PTPRT: variants seen among roughly 807,000 people sequenced by gnomAD.
PTPRT encodes receptor-type tyrosine-protein phosphatase T.
PTPRT carries 56 observed loss-of-function variants against 176.8 expected under a neutral mutation model. The observed-to-expected ratio is 0.32, with a 90% CI of 0.26 to 0.40. The LOEUF (loss-of-function observed/expected upper bound fraction) is 0.40, where lower values mean the gene tolerates loss of function less well. PTPRT is among the 10% of genes least tolerant of loss of function. PTPRT has a pLI of 1.00. For synonymous variants in PTPRT, 783 were observed against 739.0 expected, an observed-to-expected ratio of 1.06 and a Z score of -0.96; for missense variants, 1,540 against 1,908.2, an observed-to-expected ratio of 0.81 and a Z score of 3.60.
intron 7 of PTPRT, among the ~76,000 whole-genome samples, chr20:42,610,904 C>A (rs2073964553): frequency 6.7e-6 from 1 of 150,192 alleles, no homozygotes; most frequent in Non-Finnish European, 1.5e-5. Context: ...TATAGACTTA[C>A]CTATTCTGAA....
At position 42,503,572 on chromosome 20, in the gene PTPRT, C is replaced by T. The variant is rs187412867; in HGVS notation, c.1154-31010G>A. Among the ~76,000 whole-genome samples, 690 of 152,022 alleles carry T rather than the reference C, an allele frequency of 4.5e-3. 5 individuals carry two copies. The highest frequency in any genetic ancestry group is 0.016 in the African/African-American group (663 of 41,506). On this transcript the variant is annotated intron_variant, in intron 7 of 30. Coordinates refer to ENST00000373187, the MANE Select transcript of PTPRT (RefSeq NM_007050.6). ...TGATGCTGACTCAAAATTTTTGAGA[C>T]TTGCTTTATTGATTGATTTTTGATT...
intron 1 of PTPRT, among the ~76,000 whole-genome samples, chr20:42,952,373 G>A (rs2146019746): frequency 6.6e-6 from 1 of 152,284 alleles, no homozygotes; most frequent in Non-Finnish European, 1.5e-5. Context: ...TAGCTATGAA[G>A]GACAGTGAGA....
chr20:42,199,507 C>T, intron 15 of PTPRT, 119 bp from the exon 16 acceptor site: 2 of 1,188,730 alleles, frequency 1.7e-6, no homozygotes, highest in Non-Finnish European at 2.4e-6. Flanking sequence ...GTTCATTCTC[C>T]AGAAAAAGAA....
the PTPRT span, among the ~76,000 whole-genome samples, chr20:42,041,193 T>A: frequency 6.6e-6 from 1 of 152,190 alleles, no homozygotes; most frequent in African/African-American, 2.4e-5. Flanking sequence ...AATCCACTAC[T>A]GCCCTCGATG....
intron 7 of PTPRT, among the ~76,000 whole-genome samples, chr20:42,599,258 A>G (rs2073732515): frequency 6.6e-6 from 1 of 152,130 alleles, no homozygotes; most frequent in South Asian, 2.1e-4. Context: ...CTTTTGAGAG[A>G]GAAAACATGA....
rs1316464006 is a variant in PTPRT, at chr20:42,352,131, T to A, written c.1715A>T (p.Lys572Met). The A allele has an allele frequency of 1.1e-5, 18 of 1,614,070 alleles. No individual in the cohort carries two copies. The highest frequency in any genetic ancestry group is 1.5e-5 in the Non-Finnish European group (18 of 1,180,034). Residue 572 changes from lysine to methionine, a missense_variant, in exon 10 of 31, where the codon AAG (lysine) becomes ATG (methionine). Lys to Met is a moderately conservative substitution (Grantham distance 95). This residue lies in a region of PTPRT where 136 missense variants were observed against 135.0 expected (regional missense o/e 1.01). Transcript: ENST00000373187. ...YSFTIKASTA[K>M]GFGPPVTTRI... is the part of the protein sequence containing the mutation. ...AGTGGTGACAGGGGGCCCAAAGCCC[T>A]TTGCTGTGCTGGCCTTGATGGTGAA...
At chr20:42,575,543 C>T (rs1358742476) in intron 7 of PTPRT, among the ~76,000 whole-genome samples, 1 of 152,198 alleles carries the variant, frequency 6.6e-6, no homozygotes, top group Admixed American at 6.5e-5. Context: ...TCCCACAGTG[C>T]TTTGCACCTA....
intron 1 of PTPRT, among the ~76,000 whole-genome samples, chr20:42,894,554 C>G: frequency 6.6e-6 from 1 of 152,072 alleles, no homozygotes; most frequent in East Asian, 1.9e-4. Flanking sequence ...CAAGATCACA[C>G]AAATAACAGG....
At chr20:42,089,813 A>G (rs1984416485) in intron 27 of PTPRT, among the ~76,000 whole-genome samples, 1 of 152,174 alleles carries the variant, frequency 6.6e-6, no homozygotes, top group African/African-American at 2.4e-5. Context: ...GCCATGGGAA[A>G]TAAGAGAAAG....
chr20:42,909,817 T>C (rs1258457274), intron 1 of PTPRT, among the ~76,000 whole-genome samples: 1 of 152,176 alleles, frequency 6.6e-6, no homozygotes, highest in Non-Finnish European at 1.5e-5. Flanking sequence ...GCATGTTGGA[T>C]TTCACCTTGG....
At chr20:42,488,338 C>T (rs975513988) in intron 7 of PTPRT, among the ~76,000 whole-genome samples, 3 of 152,172 alleles carry the variant, frequency 2.0e-5, no homozygotes, top group Non-Finnish European at 4.4e-5. Flanking sequence ...TTCAGAACAG[C>T]AGCCCCAAAA....
At chr20:42,709,385 A>G (rs1349842077) in intron 6 of PTPRT, among the ~76,000 whole-genome samples, 4 of 152,168 alleles carry the variant, frequency 2.6e-5, no homozygotes, top group African/African-American at 4.8e-5. Context: ...ATAAGTTCAC[A>G]TAGATCTGGT....
chr20:42,130,352 G>C (rs909219000), intron 18 of PTPRT, among the ~76,000 whole-genome samples: 7 of 152,182 alleles, frequency 4.6e-5, no homozygotes, highest in African/African-American at 1.7e-4. Flanking sequence ...CCACCTGCTG[G>C]AACCTGAAGC....
chr20:42,047,197 A>C, the PTPRT span, among the ~76,000 whole-genome samples: 2 of 152,244 alleles, frequency 1.3e-5, no homozygotes, highest in East Asian at 3.9e-4. Flanking sequence ...TCTTTGGTAC[A>C]GCCTATTGGG....
chr20:42,931,729 C>T (rs147375049), intron 1 of PTPRT, among the ~76,000 whole-genome samples: 4 of 152,298 alleles, frequency 2.6e-5, no homozygotes, highest in South Asian at 2.1e-4. Flanking sequence ...GAGGACACAG[C>T]GTAGGCGCTC....
intron 2 of PTPRT, among the ~76,000 whole-genome samples, chr20:42,818,136 C>T: frequency 6.6e-6 from 1 of 152,112 alleles, no homozygotes. Context: ...TCTGGTGCCC[C>T]TCGAGGTCAG....
At chr20:42,573,998 C>T (rs1379449250) in intron 7 of PTPRT, among the ~76,000 whole-genome samples, 2 of 152,054 alleles carry the variant, frequency 1.3e-5, no homozygotes, top group East Asian at 1.9e-4. Context: ...TCCACCACCT[C>T]GGCCTCCCAA....
At chr20:42,497,802 A>G (rs965526407) in intron 7 of PTPRT, among the ~76,000 whole-genome samples, 1 of 152,152 alleles carries the variant, frequency 6.6e-6, no homozygotes, top group African/African-American at 2.4e-5. Flanking sequence ...ATGATATAAA[A>G]AGGTATTTTG....
intron 12 of PTPRT, among the ~76,000 whole-genome samples, chr20:42,288,052 T>C (rs531511499): frequency 9.9e-5 from 15 of 151,962 alleles, no homozygotes; most frequent in Non-Finnish European, 1.8e-4. Flanking sequence ...AAAAAATACA[T>C]CCTGAAGGAA....
Sources: gnomAD v4.1 joint callset for allele counts (sites outside exome capture counted in the v4.1 genomes callset) on GRCh38, gnomAD v4.1.1 for gene constraint, gnomAD v4.1.1 regional missense constraint, MANE v1.5 for transcripts, NCBI Gene and HGNC (gene_info 2026-07-23, HGNC 2026-07-21) for gene names.